Variants in PCGF5 observed in about 807,000 individuals in gnomAD.
PCGF5 encodes the protein polycomb group RING finger protein 5.
PCGF5 carries 9 observed loss-of-function variants against 44.3 expected under a neutral mutation model. The observed-to-expected ratio is 0.20, with a 90% CI of 0.12 to 0.35. PCGF5 has a LOEUF of 0.35. Ranked by LOEUF, PCGF5 falls within the 10% of genes least tolerant of loss-of-function variation. PCGF5 has a pLI of 1.00. For missense variants in PCGF5, 146 were observed against 305.3 expected (o/e 0.48, Z 3.89); for synonymous variants, 95 against 102.5 (o/e 0.93, Z 0.44).
chr10:91,258,146 T>C (rs1845803096), intron 6 of PCGF5, among the ~76,000 whole-genome samples: 1 of 152,036 alleles, frequency 6.6e-6, no homozygotes, highest in African/African-American at 2.4e-5. Context: ...GGAGGGAAGG[T>C]TGCGGAGTGA....
rs532310670 is a variant in PCGF5, at chr10:91,173,060, A to G, written c.-184+9979A>G. ...TAAGTTTCCTCATCTGTAGTGTAGG[A>G]AAAAAATTACATCTGGTCTATCTCC... On this transcript the variant is annotated intron_variant, in intron 1 of 9. Transcript: ENST00000614189. 4.6e-5 allele frequency among the ~76,000 whole-genome samples: 7 copies of G among 152,350 alleles called. No homozygotes were observed. In the East Asian group the frequency reaches 1.3e-3, roughly 29 times the overall value.
At chr10:91,187,373 C>T (rs1265422572) in intron 1 of PCGF5, among the ~76,000 whole-genome samples, 1 of 151,898 alleles carries the variant, frequency 6.6e-6, no homozygotes, top group Non-Finnish European at 1.5e-5. Flanking sequence ...CTGGCAGGCA[C>T]CTTACTGAGC....
At chr10:91,186,221 G>C (rs181595769) in intron 1 of PCGF5, among the ~76,000 whole-genome samples, 125 of 152,254 alleles carry the variant, frequency 8.2e-4, no homozygotes, top group Admixed American at 4.5e-3. Flanking sequence ...CAAGTTATTT[G>C]ATCTCACCTG....
At chr10:91,185,039 C>G (rs1843893643) in intron 1 of PCGF5, among the ~76,000 whole-genome samples, 1 of 152,212 alleles carries the variant, frequency 6.6e-6, no homozygotes, top group African/African-American at 2.4e-5. Context: ...TTTTTTAGAA[C>G]AGCTGTACTG....
chr10:91,263,946 C>G (rs1453208756), intron 7 of PCGF5, among the ~76,000 whole-genome samples: 2 of 152,154 alleles, frequency 1.3e-5, no homozygotes, highest in African/African-American at 4.8e-5. Context: ...TATCCACATT[C>G]ATTAATTTCC....
At chr10:91,220,349 C>G (rs1282204555), upstream of PCGF5, 1 of 152,234 alleles carries the variant, frequency 6.6e-6, no homozygotes, top group Admixed American at 6.5e-5. Flanking sequence ...TCATCACTGA[C>G]CGTTGCTTTT....
chr10:91,228,701 G>C (rs1303416527), intron 2 of PCGF5, among the ~76,000 whole-genome samples: 1 of 152,130 alleles, frequency 6.6e-6, no homozygotes, highest in Admixed American at 6.5e-5. Flanking sequence ...AAGTACTTAA[G>C]GTACAGAAAA....
chr10:91,253,605 G>A (rs111683353), intron 6 of PCGF5, among the ~76,000 whole-genome samples: 2,366 of 152,140 alleles, frequency 0.016, 48 homozygotes, highest in Admixed American at 0.043. Flanking sequence ...AAAGCTTCGC[G>A]TCATCTTTGA....
At chr10:91,238,226 A>G (rs958295434) in intron 2 of PCGF5, among the ~76,000 whole-genome samples, 18 of 152,342 alleles carry the variant, frequency 1.2e-4, no homozygotes, top group Admixed American at 1.0e-3. Context: ...TTGGCAGTCC[A>G]GATCTAGAAT....
At chr10:91,173,944 G>A (rs552696621) in intron 1 of PCGF5, among the ~76,000 whole-genome samples, 6 of 151,850 alleles carry the variant, frequency 4.0e-5, no homozygotes, top group Non-Finnish European at 8.8e-5. Context: ...AAGTAAAACA[G>A]CTAAGACTCC....
chr10:91,224,445 G>A (rs1844762249), intron 2 of PCGF5, among the ~76,000 whole-genome samples: 1 of 152,164 alleles, frequency 6.6e-6, no homozygotes, highest in Admixed American at 6.5e-5. Context: ...AAGGGCACAA[G>A]ATAATAAAGA....
At chr10:91,270,157 C>T (rs573608598) in intron 8 of PCGF5, among the ~76,000 whole-genome samples, 35 of 152,302 alleles carry the variant, frequency 2.3e-4, no homozygotes, top group African/African-American at 8.4e-4. Context: ...TAGCTTTCAT[C>T]GTGTACTCAC....
In PCGF5 at chr10:91,223,024, A is replaced by G. The variant is rs374956066; in HGVS notation, c.112+41A>G. 9.2e-6 allele frequency: 12 copies of G among 1,302,810 alleles called. No homozygotes were observed. The African/African-American group carries it at 1.8e-4, about 19-fold the overall frequency. The allele number at this position is 1,302,810 out of a possible 1,614,324, so 80.7% of individuals were successfully genotyped here. Reference sequence around the variant, plus strand: ...GGTTATTATACCTATCAAAGTTTATATGTACATTTTGTTCTTTTAAAATTG... The same window carrying G: ...GGTTATTATACCTATCAAAGTTTATGTGTACATTTTGTTCTTTTAAAATTG... On this transcript the variant is annotated intron_variant, in intron 2 of 9. Coordinates refer to ENST00000336126, the MANE Select transcript of PCGF5 (RefSeq NM_032373.5).
At chr10:91,221,166 C>T (rs1844666257) in intron 1 of PCGF5, among the ~76,000 whole-genome samples, 1 of 152,124 alleles carries the variant, frequency 6.6e-6, no homozygotes, top group African/African-American at 2.4e-5. Flanking sequence ...ACCGCTGGGT[C>T]CTGCCGGAGA....
chr10:91,210,513 T>C lies in PCGF5; in HGVS notation c.-183-12176T>C, dbSNP rs139033161. On this transcript the variant is annotated intron_variant, in intron 1 of 9. Transcript: ENST00000614189. Reference sequence around the variant, plus strand: ...TGTCAAACTGGATAACTGGCTTAGCTTGGTAAGAGATCATTGGCCCACAGA... The same window carrying C: ...TGTCAAACTGGATAACTGGCTTAGCCTGGTAAGAGATCATTGGCCCACAGA... Among the ~76,000 whole-genome samples the C allele has an allele frequency of 3.9e-5, 6 of 152,290 alleles. No homozygotes were observed. In the East Asian group the frequency reaches 1.2e-3, roughly 29 times the overall value.
chr10:91,200,932 G>C (rs958994004), intron 1 of PCGF5, among the ~76,000 whole-genome samples: 3 of 152,138 alleles, frequency 2.0e-5, no homozygotes, highest in African/African-American at 7.2e-5. Flanking sequence ...GTTGACAGAG[G>C]GAAGTGGAAA....
chr10:91,170,672 C>A (rs541696344), intron 1 of PCGF5, among the ~76,000 whole-genome samples: 1 of 152,310 alleles, frequency 6.6e-6, no homozygotes, highest in African/African-American at 2.4e-5. Flanking sequence ...GAATGTCAAA[C>A]AGTACAGCTA....
chr10:91,178,380 C>G (rs563122881), intron 1 of PCGF5, among the ~76,000 whole-genome samples: 1 of 144,418 alleles, frequency 6.9e-6, no homozygotes, highest in Non-Finnish European at 1.5e-5. Context: ...GTTTCTCTTT[C>G]TTTTCTTTTC....
At chr10:91,227,223 A>G in intron 2 of PCGF5, 1 of 417,924 alleles carries the variant, frequency 2.4e-6, no homozygotes, top group Non-Finnish European at 4.7e-6. Context: ...TAACACATGT[A>G]TTTAGATGTA....
Sources: gnomAD v4.1 joint callset for allele counts (sites outside exome capture counted in the v4.1 genomes callset) on GRCh38, gnomAD v4.1.1 for gene constraint, MANE v1.5 for transcripts, NCBI Gene and HGNC (gene_info 2026-07-23, HGNC 2026-07-21) for gene names.